Variants in APCDD1 observed in about 807,000 individuals in gnomAD.
APCDD1 encodes protein APCDD1.
In APCDD1, 15 loss-of-function variants were observed where a neutral mutation model predicts 38.1. The observed-to-expected ratio is 0.39, with a 90% confidence interval of 0.26 to 0.61. The LOEUF is 0.61. APCDD1 is among the 20% of genes least tolerant of loss of function. The pLI, the probability that APCDD1 is intolerant of heterozygous loss-of-function variation, is 0.49. For missense variants in APCDD1, 647 were observed against 696.2 expected (o/e 0.93, Z 0.79); for synonymous variants, 261 against 279.7 (o/e 0.93, Z 0.67).
Position 10,463,125 on chromosome 18 carries a change from C to T in APCDD1, c.59-5344C>T, listed in dbSNP as rs549314341. 4.6e-5 allele frequency among the ~76,000 whole-genome samples: 7 copies of T among 151,972 alleles called. No individual in the cohort carries two copies. In the South Asian group the frequency reaches 8.4e-4, roughly 18 times the overall value. On this transcript the variant is annotated intron_variant, in intron 1 of 4. Coordinates refer to ENST00000355285, the MANE Select transcript of APCDD1 (RefSeq NM_153000.5). Reference sequence around the variant, plus strand: ...CCCCCTTCTCTTAGAGCCTCCTATGCGAATCTCTCACTCCTGCCCCCCATG... The same window carrying T: ...CCCCCTTCTCTTAGAGCCTCCTATGTGAATCTCTCACTCCTGCCCCCCATG...
rs1005208066 is a variant in APCDD1, at chr18:10,476,832, A to G, written c.774+4771A>G. Reference sequence around the variant, plus strand: ...GGGAGTACCTGAGAACTGCAGAAAAAGAGCATGCTGTGCTTTCTCTCTCAA... The same window carrying G: ...GGGAGTACCTGAGAACTGCAGAAAAGGAGCATGCTGTGCTTTCTCTCTCAA... On this transcript the variant is annotated intron_variant, in intron 3 of 4. Transcript: ENST00000355285. The surrounding 1 kb of genome is among the most constrained non-coding windows in gnomAD (Gnocchi z 5.8). The G allele has an allele frequency of 3.9e-5, 6 of 152,260 alleles. No individual in the cohort carries two copies. The highest frequency in any genetic ancestry group is 7.3e-5 in the Non-Finnish European group (5 of 68,058). 9.4% of individuals were successfully genotyped at this position (152,260 alleles called of 1,614,324 possible).
rs898649109 is a variant in APCDD1 at position 10,488,448 on chromosome 18, C to G, written c.*410C>G. 3 of 189,990 alleles carry G rather than the reference C, an allele frequency of 1.6e-5. No individual in the cohort carries two copies. The highest frequency in any genetic ancestry group is 7.2e-5 in the African/African-American group (3 of 41,830). The allele number at this position is 189,990 out of a possible 1,614,324, so 11.8% of individuals were successfully genotyped here. A position where few individuals can be genotyped will look rare whatever the true frequency, so the allele number is the denominator to read the frequency against. On this transcript the variant is annotated 3_prime_UTR_variant, in exon 5 of 5. Transcript: ENST00000355285. ...TTTTCCTGTGGTTGCAGCCTGTCTT[C>G]CTTTGAAATTGTTTTACTCTCTGAG... is the stretch of plus-strand genomic sequence containing the variant.
chr18:10,478,781 G>A (rs2031067130), intron 3 of APCDD1, among the ~76,000 whole-genome samples: 1 of 152,240 alleles, frequency 6.6e-6, no homozygotes, highest in South Asian at 2.1e-4. Context: ...TGTACCTAAA[G>A]CCACAGCTCT....
chr18:10,485,654 G>A lies in APCDD1; in HGVS notation c.967G>A (p.Glu323Lys). The part of the protein sequence containing the change: ...FIFHDNNNTW[E>K]GHYYHYSDPV... ...CTTCCATGACAACAACAACACCTGG[G>A]AGGGCCACTACTACCACTACTCAGA... Residue 323 changes from glutamate to lysine, a missense_variant, in exon 4 of 5, where the codon GAG becomes AAG. Physicochemically the swap from Glu to Lys is moderately conservative, Grantham distance 56. Transcript: ENST00000355285. The surrounding 1 kb of genome is among the most constrained non-coding windows in gnomAD (Gnocchi z 5.8). 1 of 1,614,140 alleles carries A rather than the reference G, an allele frequency of 6.2e-7. No individual in the cohort carries two copies. The highest frequency in any genetic ancestry group is 1.3e-5 in the African/African-American group (1 of 75,018).
chr18:10,473,188 A>G (rs1295931170), intron 3 of APCDD1, among the ~76,000 whole-genome samples: 3 of 152,136 alleles, frequency 2.0e-5, no homozygotes, highest in Admixed American at 6.5e-5. Context: ...TCTGCCAAAG[A>G]CTGCTCCGTG....
intron 1 of APCDD1, among the ~76,000 whole-genome samples, chr18:10,465,810 T>A (rs74348757): frequency 0.015 from 2,337 of 152,344 alleles, 44 homozygotes; most frequent in African/African-American, 0.052. Flanking sequence ...TAAATGTGCG[T>A]GTTTTGTCAC....
chr18:10,461,739 G>A (rs2030547121), intron 1 of APCDD1, among the ~76,000 whole-genome samples: 1 of 152,146 alleles, frequency 6.6e-6, no homozygotes, highest in African/African-American at 2.4e-5. Context: ...CTTAATATTT[G>A]TTTAATCCTT....
At chr18:10,455,622 A>C (rs2030360705) in intron 1 of APCDD1, among the ~76,000 whole-genome samples, 2 of 152,100 alleles carry the variant, frequency 1.3e-5, no homozygotes, top group Admixed American at 6.5e-5. Flanking sequence ...CTCTGGGTGT[A>C]ATTTTAAGAA....
In APCDD1 at chr18:10,487,967, C is replaced by T; in HGVS notation, c.1474C>T (p.His492Tyr). Residue 492 changes from histidine to tyrosine, a missense_variant, in exon 5 of 5, where the codon CAC becomes TAC. His to Tyr is a moderately conservative substitution (Grantham distance 83, BLOSUM62 2). Coordinates refer to ENST00000355285, the MANE Select transcript of APCDD1 (RefSeq NM_153000.5). The part of the protein sequence containing the change: ...SSLYGRAPGR[H>Y]TWSLLLAALA... The stretch of plus-strand genomic sequence containing the variant: ...CCTGTATGGCCGGGCCCCTGGGAGG[C>T]ACACCTGGTCCCTGCTGCTGGCTGC... 1 of 1,613,866 alleles carries T rather than the reference C, an allele frequency of 6.2e-7. No homozygotes were observed. The highest frequency in any genetic ancestry group is 8.5e-7 in the Non-Finnish European group (1 of 1,179,992).
At position 10,485,978 on chromosome 18, in the gene APCDD1, C is replaced by T. The variant is rs2031242999; in HGVS notation, c.1096+195C>T. Among the ~76,000 whole-genome samples the T allele has an allele frequency of 6.6e-6, 1 of 152,248 alleles. No individual in the cohort carries two copies. Among genetic ancestry groups the T allele is most frequent in the South Asian group, 2.1e-4 (1 of 4,834 alleles). ...GCTCAAAATGGATCAGGTGGACAGC[C>T]TCCACTTGCAGGCCTGAATGCGAGA... On this transcript the variant is annotated intron_variant, in intron 4 of 4. Transcript: ENST00000355285. This position sits in a 1 kb window ranked among gnomAD's most constrained non-coding sequence, Gnocchi z 5.8.
At position 10,472,067 on chromosome 18, in the gene APCDD1, T is replaced by C. The variant is rs776087296; in HGVS notation, c.774+6T>C. Reference sequence around the variant, plus strand: ...CCCCTCTGCAGAATGCCAAGGTACCTCAGAGCTCTGTGTTCTCCTCTTTAT... The same window carrying C: ...CCCCTCTGCAGAATGCCAAGGTACCCCAGAGCTCTGTGTTCTCCTCTTTAT... On this transcript the variant is annotated splice_donor_region_variant and intron_variant, in intron 3 of 4. Transcript: ENST00000355285. This position sits in a 1 kb window ranked among gnomAD's most constrained non-coding sequence, Gnocchi z 6.6. 8 of 1,613,072 alleles carry C rather than the reference T, an allele frequency of 5.0e-6. No individual in the cohort carries two copies. The African/African-American group carries it at 9.3e-5, about 19-fold the overall frequency.
chr18:10,479,070 C>T (rs2031074517), intron 3 of APCDD1, among the ~76,000 whole-genome samples: 1 of 152,212 alleles, frequency 6.6e-6, no homozygotes, highest in South Asian at 2.1e-4. Flanking sequence ...AACACTTGGT[C>T]TTGGCCTCAA....
intron 3 of APCDD1, among the ~76,000 whole-genome samples, chr18:10,474,441 G>A (rs1337582579): frequency 1.3e-5 from 2 of 152,222 alleles, no homozygotes; most frequent in African/African-American, 2.4e-5. Flanking sequence ...AGCACGGGGA[G>A]CCTTGAGTGC....
At chr18:10,458,532 G>A (rs775549362) in intron 1 of APCDD1, among the ~76,000 whole-genome samples, 1 of 152,100 alleles carries the variant, frequency 6.6e-6, no homozygotes, top group African/African-American at 2.4e-5. Flanking sequence ...TGACTCACCT[G>A]TACCCAACAG....
chr18:10,460,900 C>G (rs955954091), intron 1 of APCDD1, among the ~76,000 whole-genome samples: 1 of 152,180 alleles, frequency 6.6e-6, no homozygotes, highest in Non-Finnish European at 1.5e-5. Flanking sequence ...GGACTGCTTT[C>G]TATGTGCATG....
chr18:10,473,196 G>A lies in APCDD1; in HGVS notation c.774+1135G>A, dbSNP rs117844912. Among the ~76,000 whole-genome samples, 509 of 152,276 alleles carry A rather than the reference G, an allele frequency of 3.3e-3. 1 individual carries two copies. Among genetic ancestry groups the A allele is most frequent in the East Asian group, 0.014 (75 of 5,186 alleles). ...GGGCACTTCTGCCAAAGACTGCTCC[G>A]TGTTATCTTTTTTTAATCTATGTTA... is the stretch of plus-strand genomic sequence containing the variant. On this transcript the variant is annotated intron_variant, in intron 3 of 4. Transcript: ENST00000355285.
Position 10,487,856 on chromosome 18 carries a change from A to T in APCDD1, c.1363A>T (p.Arg455Ter), listed in dbSNP as rs776301011. The T allele has an allele frequency of 1.9e-6, 3 of 1,613,816 alleles. No individual in the cohort carries two copies. In the African/African-American group the frequency reaches 4.0e-5, roughly 22 times the overall value. The change falls in exon 5 of 5, where the codon AGA (arginine) becomes TGA (stop). Residue 455 changes from arginine to a stop codon, truncating the protein, a stop_gained. Coordinates refer to ENST00000355285, the MANE Select transcript of APCDD1 (RefSeq NM_153000.5). LOFTEE classifies it low-confidence loss of function (END_TRUNC). The part of the protein sequence containing the change: ...DGSSPDRPEK[R>*]ATSYQMPLVQ... ...GTCCAGCCCAGACAGGCCAGAGAAG[A>T]GAGCCACGTCCTACCAGATGCCCTT...
chr18:10,460,561 C>T (rs2030514612), intron 1 of APCDD1, among the ~76,000 whole-genome samples: 1 of 150,160 alleles, frequency 6.7e-6, no homozygotes. Context: ...AACAAACAAG[C>T]AAAAAAAACT....
chr18:10,485,933 C>T lies in APCDD1; in HGVS notation c.1096+150C>T, dbSNP rs912806425. On this transcript the variant is annotated intron_variant, in intron 4 of 4. Coordinates refer to ENST00000355285, the MANE Select transcript of APCDD1 (RefSeq NM_153000.5). The surrounding 1 kb of genome is among the most constrained non-coding windows in gnomAD (Gnocchi z 5.8). ...TCATTTCTGCCTCAGTCCTTCCCAACGCCCTCTGAGTTTCTCCCTGCTCAA... is the reference window on the plus strand; with the variant it reads ...TCATTTCTGCCTCAGTCCTTCCCAATGCCCTCTGAGTTTCTCCCTGCTCAA... The T allele has an allele frequency of 5.4e-5, 49 of 907,284 alleles. No homozygotes were observed. Among genetic ancestry groups the T allele is most frequent in the Non-Finnish European group, 7.4e-5 (43 of 580,254 alleles). The allele number at this position is 907,284 out of a possible 1,614,324, so 56.2% of individuals were successfully genotyped here.
Sources: allele counts gnomAD v4.1 joint callset (sites outside exome capture counted in the v4.1 genomes callset), GRCh38; gene constraint gnomAD v4.1.1; non-coding constraint Gnocchi (gnomAD v3.1); transcripts MANE v1.5; gene names NCBI Gene and HGNC (gene_info 2026-07-23, HGNC 2026-07-21).